RTL4: variants seen among roughly 807,000 people sequenced by gnomAD.
The protein encoded by RTL4 is retrotransposon Gag like 4, also known as retrotransposon Gag-like protein 4.
A neutral mutation model predicts 5.3 loss-of-function variants in RTL4; 4 were observed. The ratio of observed to expected loss-of-function variants is 0.75; its 90% CI spans 0.37 to 1.72. The LOEUF is 1.72. Among genes scored for constraint, RTL4 ranks in the 40% most tolerant of loss-of-function variants. The pLI is 0.04. For synonymous variants in RTL4, 98 were observed against 87.3 expected (o/e 1.12, Z -0.68); for missense variants, 260 against 227.1 (o/e 1.14, Z -0.93).
chrX:112,241,197 G>A, the RTL4 span, among the ~76,000 whole-genome samples: 2 of 110,613 alleles, frequency 1.8e-5, no homozygotes, highest in Non-Finnish European at 3.8e-5. Flanking sequence ...AAATCCTTTG[G>A]GTATGTACCC....
At chrX:112,297,415 C>T in the RTL4 span, among the ~76,000 whole-genome samples, 2 of 111,564 alleles carry the variant, frequency 1.8e-5, no homozygotes, top group East Asian at 2.8e-4. Flanking sequence ...AGGAAGCAGG[C>T]GCGTCCTACA....
the RTL4 span, among the ~76,000 whole-genome samples, chrX:112,258,512 T>C: frequency 8.9e-6 from 1 of 112,166 alleles, no homozygotes; most frequent in East Asian, 2.8e-4. Context: ...AGTATTCATA[T>C]ATTTAATGGC....
the RTL4 span, among the ~76,000 whole-genome samples, chrX:112,326,762 C>A: frequency 8.9e-6 from 1 of 111,834 alleles, no homozygotes; most frequent in Non-Finnish European, 1.9e-5. Flanking sequence ...CCCTGTCTGA[C>A]AGCTTTGAAG....
chrX:112,351,970 C>T, the RTL4 span, among the ~76,000 whole-genome samples: 1 of 111,729 alleles, frequency 9.0e-6, no homozygotes, highest in Non-Finnish European at 1.9e-5. Context: ...CCTTGATGGT[C>T]TTTACAATTT....
chrX:112,140,214 G>C, the RTL4 span, among the ~76,000 whole-genome samples: 1 of 110,989 alleles, frequency 9.0e-6, no homozygotes, highest in Non-Finnish European at 1.9e-5. Context: ...TTACTTTCTG[G>C]CACTACAAGA....
chrX:112,169,322 CAG>C, the RTL4 span, among the ~76,000 whole-genome samples: 1 of 109,089 alleles, frequency 9.2e-6, no homozygotes, highest in South Asian at 4.0e-4. Context: ...CCATGTTTGT[CAG>C]GGTGGTCTCG....
the RTL4 span, among the ~76,000 whole-genome samples, chrX:112,366,561 ATTTG>A: frequency 2.7e-5 from 3 of 111,769 alleles, no homozygotes; most frequent in Non-Finnish European, 3.8e-5. Flanking sequence ...GGAGATAAGT[ATTTG>A]TTTGTTGAAT....
chrX:112,191,242 A>G, the RTL4 span, among the ~76,000 whole-genome samples: 1 of 112,123 alleles, frequency 8.9e-6, no homozygotes, highest in East Asian at 2.8e-4. Context: ...GTGTCCTTTC[A>G]TGATACTTCC....
chrX:112,452,808 G>C (rs1475456599), upstream of RTL4, among the ~76,000 whole-genome samples: 1 of 111,406 alleles, frequency 9.0e-6, no homozygotes, highest in East Asian at 2.9e-4. Flanking sequence ...GAGGCAGGCG[G>C]ATCACCTGAG....
chrX:112,238,992 C>T, the RTL4 span, among the ~76,000 whole-genome samples: 11 of 111,790 alleles, frequency 9.8e-5, no homozygotes, highest in African/African-American at 3.3e-4. Flanking sequence ...ATATTCCAAT[C>T]TCCCCACTGG....
chrX:112,345,826 C>G, the RTL4 span, among the ~76,000 whole-genome samples: 1 of 111,570 alleles, frequency 9.0e-6, no homozygotes, highest in African/African-American at 3.2e-5. Flanking sequence ...TAGTTCTGGT[C>G]TGTTTTTGCT....
the RTL4 span, among the ~76,000 whole-genome samples, chrX:112,412,369 A>T: frequency 9.0e-6 from 1 of 111,601 alleles, no homozygotes; most frequent in Admixed American, 9.6e-5. Flanking sequence ...AAATTTATAT[A>T]AAAACGCAAA....
the RTL4 span, among the ~76,000 whole-genome samples, chrX:112,448,564 T>C: frequency 9.0e-6 from 1 of 111,727 alleles, no homozygotes; most frequent in Non-Finnish European, 1.9e-5. Flanking sequence ...TGATGCTCCC[T>C]CTTCTCTGAT....
the RTL4 span, among the ~76,000 whole-genome samples, chrX:112,308,686 A>T: frequency 5.4e-5 from 6 of 111,481 alleles, no homozygotes; most frequent in Admixed American, 5.8e-4. Context: ...CACATAGTAG[A>T]AACTTTTTAG....
chrX:112,246,289 T>C, the RTL4 span, among the ~76,000 whole-genome samples: 1 of 112,121 alleles, frequency 8.9e-6, no homozygotes, highest in Non-Finnish European at 1.9e-5. Flanking sequence ...CAGAATTTTC[T>C]GCTGCCTTTT....
the RTL4 span, among the ~76,000 whole-genome samples, chrX:112,214,883 C>T: frequency 9.1e-6 from 1 of 109,848 alleles, no homozygotes; most frequent in Non-Finnish European, 1.9e-5. Context: ...CCGCCTCCCA[C>T]ATTCATGCCA....
the RTL4 span, among the ~76,000 whole-genome samples, chrX:112,319,276 C>T: frequency 2.7e-5 from 3 of 111,585 alleles, no homozygotes; most frequent in East Asian, 5.7e-4. Context: ...TTGTACAGTA[C>T]CCACTGCTTA....
chrX:112,232,831 G>C, the RTL4 span, among the ~76,000 whole-genome samples: 1 of 110,804 alleles, frequency 9.0e-6, no homozygotes, highest in African/African-American at 3.3e-5. Context: ...GACTTTCTTG[G>C]AAGCTTCATT....
the RTL4 span, among the ~76,000 whole-genome samples, chrX:112,239,299 G>A: frequency 9.0e-6 from 1 of 110,590 alleles, no homozygotes; most frequent in Non-Finnish European, 1.9e-5. Context: ...TGGGGAGGCG[G>A]GCTTCTATCC....
Sources: allele counts gnomAD v4.1 joint callset (sites outside exome capture counted in the v4.1 genomes callset), GRCh38; gene constraint gnomAD v4.1.1; transcripts MANE v1.5; gene names NCBI Gene and HGNC (gene_info 2026-07-23, HGNC 2026-07-21).